ULK4: variants seen among roughly 807,000 people sequenced by gnomAD.
The protein encoded by ULK4 is unc-51 like kinase 4, also known as inactive serine/threonine-protein kinase ULK4.
Under a neutral mutation model 160.6 loss-of-function variants are expected in ULK4, and 133 were observed. That is an observed-to-expected ratio of 0.83 (90% CI 0.72 to 0.96). The LOEUF is 0.96. ULK4 is among the 40% of genes least tolerant of loss of function. The pLI is 0.00. For missense variants in ULK4, 1,580 were observed against 1,499.5 expected, an observed-to-expected ratio of 1.05 and a Z score of -0.89; for synonymous variants, 534 against 539.8, an observed-to-expected ratio of 0.99 and a Z score of 0.15.
chr3:41,884,070 G>C (rs1697628326), intron 16 of ULK4, 118 bp from the exon 17 acceptor site: 1 of 741,890 alleles, frequency 1.3e-6, no homozygotes, highest in East Asian at 2.7e-5. Flanking sequence ...AATAAAAATT[G>C]AATGTGACAG....
chr3:41,890,488 T>C (rs1697885152), intron 16 of ULK4, among the ~76,000 whole-genome samples: 1 of 151,854 alleles, frequency 6.6e-6, no homozygotes, highest in Non-Finnish European at 1.5e-5. Flanking sequence ...GAGACCAGCC[T>C]GGCCAACATG....
intron 17 of ULK4, among the ~76,000 whole-genome samples, chr3:41,851,378 T>C (rs923867843): frequency 1.3e-5 from 2 of 152,170 alleles, no homozygotes; most frequent in East Asian, 1.9e-4. Flanking sequence ...CTGGATTACG[T>C]TGATTGATTT....
chr3:41,506,769 T>TAA (rs66727296), intron 32 of ULK4, among the ~76,000 whole-genome samples: 2 of 31,604 alleles, frequency 6.3e-5, no homozygotes, highest in Non-Finnish European at 1.1e-4. Context: ...TGATTTAAAA[T>TAA]ATATATATAT....
intron 31 of ULK4, among the ~76,000 whole-genome samples, chr3:41,598,080 G>A (rs2031811728): frequency 6.6e-6 from 1 of 152,152 alleles, no homozygotes; most frequent in South Asian, 2.1e-4. Flanking sequence ...CCTTGGGGGT[G>A]AGTGGACCTA....
At chr3:41,392,649 G>A (rs1198551342) in intron 35 of ULK4, among the ~76,000 whole-genome samples, 1 of 152,078 alleles carries the variant, frequency 6.6e-6, no homozygotes, top group Non-Finnish European at 1.5e-5. Flanking sequence ...TCCCATCAGG[G>A]CTTTAAAAGA....
intron 35 of ULK4, among the ~76,000 whole-genome samples, chr3:41,312,791 G>C (rs2080076479): frequency 6.6e-6 from 1 of 152,126 alleles, no homozygotes; most frequent in South Asian, 2.1e-4. Context: ...CTGGGCAACA[G>C]AGTGAGACCC....
chr3:41,546,056 G>A (rs2086850468), intron 32 of ULK4, among the ~76,000 whole-genome samples: 1 of 152,102 alleles, frequency 6.6e-6, no homozygotes, highest in Admixed American at 6.6e-5. Context: ...ATTCTGACCT[G>A]TTAATTCCAA....
chr3:41,757,709 C>T (rs1413150940), intron 21 of ULK4, among the ~76,000 whole-genome samples: 1 of 151,140 alleles, frequency 6.6e-6, no homozygotes, highest in Non-Finnish European at 1.5e-5. Context: ...TCTCGGCTCA[C>T]TGTAACCTCC....
At chr3:41,744,026 A>G (rs1319733058) in intron 22 of ULK4, among the ~76,000 whole-genome samples, 1 of 151,948 alleles carries the variant, frequency 6.6e-6, no homozygotes, top group Admixed American at 6.5e-5. Flanking sequence ...AGAGGCTATT[A>G]TAAGTTATGT....
At chr3:41,605,080 T>G (rs1419351275) in intron 31 of ULK4, among the ~76,000 whole-genome samples, 1 of 151,920 alleles carries the variant, frequency 6.6e-6, no homozygotes, top group Admixed American at 6.6e-5. Flanking sequence ...GACTATTACA[T>G]CAACATAATT....
At chr3:41,647,357 A>G (rs2034543601) in intron 30 of ULK4, among the ~76,000 whole-genome samples, 1 of 152,102 alleles carries the variant, frequency 6.6e-6, no homozygotes, top group Non-Finnish European at 1.5e-5. Flanking sequence ...ATGGTGATGT[A>G]CAGATGGGTT....
intron 35 of ULK4, among the ~76,000 whole-genome samples, chr3:41,366,548 TAC>T (rs148305509): frequency 2.8e-3 from 409 of 148,570 alleles, no homozygotes; most frequent in African/African-American, 2.6e-3. Context: ...AAAATATGGC[TAC>T]ACACACACAC....
chr3:41,688,337 T>C (rs2036167241), intron 27 of ULK4, among the ~76,000 whole-genome samples: 1 of 152,166 alleles, frequency 6.6e-6, no homozygotes, highest in Non-Finnish European at 1.5e-5. Flanking sequence ...GAGAATCGCT[T>C]GAGCCCAGGA....
At chr3:41,249,957 CTG>C (rs2078714614) in intron 35 of ULK4, among the ~76,000 whole-genome samples, 1 of 152,316 alleles carries the variant, frequency 6.6e-6, no homozygotes, top group East Asian at 1.9e-4. Context: ...AACTGGAAAT[CTG>C]TCTTTGGGGC....
rs142125501 is a variant in ULK4 at position 41,480,888 on chromosome 3, G to A, written c.3227-17635C>T. Among the ~76,000 whole-genome samples, 6 of 152,220 alleles carry A rather than the reference G, an allele frequency of 3.9e-5. No homozygotes were observed. In the East Asian group the frequency reaches 1.2e-3, roughly 29 times the overall value. ...CTCTTATAAAACCATCAGATCTCAT[G>A]AGAACTCACTATCATGAGAACAGCC... On this transcript the variant is annotated intron_variant, in intron 32 of 36. Coordinates refer to ENST00000301831, the MANE Select transcript of ULK4 (RefSeq NM_017886.4).
chr3:41,931,070 T>C (rs564654034), intron 5 of ULK4, among the ~76,000 whole-genome samples: 72 of 152,306 alleles, frequency 4.7e-4, no homozygotes, highest in African/African-American at 1.6e-3. Context: ...AGCAAAGATG[T>C]GGAACCAACC....
At chr3:41,376,917 G>A (rs1242948403) in intron 35 of ULK4, among the ~76,000 whole-genome samples, 2 of 149,796 alleles carry the variant, frequency 1.3e-5, no homozygotes, top group Non-Finnish European at 2.9e-5. Context: ...GCATCGCCAA[G>A]TCAATCCTAA....
chr3:41,875,198 A>G (rs1288135261), intron 17 of ULK4, among the ~76,000 whole-genome samples: 2 of 152,150 alleles, frequency 1.3e-5, no homozygotes, highest in Non-Finnish European at 2.9e-5. Flanking sequence ...TAAATAAGAT[A>G]AATTTCAAAA....
chr3:41,278,286 C>T (rs1217591213), intron 35 of ULK4: 1 of 152,396 alleles, frequency 6.6e-6, no homozygotes, highest in Non-Finnish European at 1.5e-5. Context: ...AACACAGGGG[C>T]CAGGAAGTGC....
Sources: gnomAD v4.1 joint callset for allele counts (sites outside exome capture counted in the v4.1 genomes callset) on GRCh38, gnomAD v4.1.1 for gene constraint, MANE v1.5 for transcripts, NCBI Gene and HGNC (gene_info 2026-07-23, HGNC 2026-07-21) for gene names.